C2orf76: variants seen among roughly 807,000 people sequenced by gnomAD.
C2orf76 encodes the protein UPF0538 protein C2orf76.
A neutral mutation model predicts 16.9 loss-of-function variants in C2orf76; 23 were observed. The ratio of observed to expected loss-of-function variants is 1.36; its 90% CI spans 0.98 to 1.93. The LOEUF (loss-of-function observed/expected upper bound fraction) is 1.93, where lower values mean the gene tolerates loss of function less well. Ranked by LOEUF, C2orf76 falls within the 30% of genes most tolerant of loss-of-function variation. C2orf76 has a pLI of 0.00. For synonymous variants in C2orf76, 48 were observed against 52.3 expected, an observed-to-expected ratio of 0.92 and a Z score of 0.35; for missense variants, 152 against 152.6, an observed-to-expected ratio of 1.00 and a Z score of 0.02.
At chr2:119,361,502 T>A (rs560479874) in intron 1 of C2orf76, among the ~76,000 whole-genome samples, 1 of 152,172 alleles carries the variant, frequency 6.6e-6, no homozygotes, top group East Asian at 1.9e-4. Context: ...CACAAAAAAA[T>A]TGTAAAATAC....
At chr2:119,316,483 C>T (rs550658624) in intron 4 of C2orf76, among the ~76,000 whole-genome samples, 4 of 152,164 alleles carry the variant, frequency 2.6e-5, no homozygotes, top group African/African-American at 9.7e-5. Flanking sequence ...TTTTAAGCCA[C>T]AAAAATATTT....
chr2:119,315,681 T>A (rs1352277227), intron 4 of C2orf76, among the ~76,000 whole-genome samples: 2 of 152,216 alleles, frequency 1.3e-5, no homozygotes, highest in African/African-American at 4.8e-5. Context: ...AGCATTGTTA[T>A]GATTTGGATC....
the C2orf76 span, among the ~76,000 whole-genome samples, chr2:119,287,836 C>A: frequency 6.6e-6 from 1 of 152,160 alleles, no homozygotes; most frequent in African/African-American, 2.4e-5. Context: ...ATTCCAATTT[C>A]TTATAATATT....
intron 2 of C2orf76, among the ~76,000 whole-genome samples, chr2:119,335,191 A>T (rs1041254806): frequency 6.6e-6 from 1 of 152,214 alleles, no homozygotes; most frequent in African/African-American, 2.4e-5. Context: ...ATACAGACAC[A>T]TATATTTCTT....
chr2:119,318,229 T>A (rs1158636013), intron 3 of C2orf76, among the ~76,000 whole-genome samples: 1 of 152,228 alleles, frequency 6.6e-6, no homozygotes, highest in Admixed American at 6.5e-5. Context: ...ACACAGCCAT[T>A]CAACAGGTTG....
intron 1 of C2orf76, 188 bp downstream of exon 1, chr2:119,366,602 A>G (rs140555495): frequency 0.015 from 6,526 of 447,530 alleles, 96 homozygotes; most frequent in Middle Eastern, 0.039. Context: ...TTGTCCAGAG[A>G]TGCAACTTCC....
At chr2:119,293,327 C>CA in the C2orf76 span, among the ~76,000 whole-genome samples, 2 of 152,250 alleles carry the variant, frequency 1.3e-5, no homozygotes, top group African/African-American at 2.4e-5. Flanking sequence ...GAAAACCATG[C>CA]AAAAAATGTA....
At chr2:119,306,084 T>G (rs1333647205) in intron 5 of C2orf76, among the ~76,000 whole-genome samples, 7 of 152,220 alleles carry the variant, frequency 4.6e-5, no homozygotes, top group Non-Finnish European at 1.0e-4. Context: ...TCCCCCAGTT[T>G]CCTGGGTCCG....
At chr2:119,301,996 T>C (rs1365319366), downstream of C2orf76, among the ~76,000 whole-genome samples, 2 of 150,894 alleles carry the variant, frequency 1.3e-5, no homozygotes, top group African/African-American at 4.9e-5. Flanking sequence ...CATATGGTGG[T>C]ATGTATCACA....
chr2:119,321,808 G>A (rs1337951540), intron 2 of C2orf76, among the ~76,000 whole-genome samples: 1 of 151,748 alleles, frequency 6.6e-6, no homozygotes, highest in African/African-American at 2.4e-5. Flanking sequence ...TTAGACAACA[G>A]TATCTATGTA....
chr2:119,326,590 T>A (rs1679516246), intron 2 of C2orf76, among the ~76,000 whole-genome samples: 1 of 105,894 alleles, frequency 9.4e-6, no homozygotes, highest in Non-Finnish European at 2.1e-5. Flanking sequence ...TTTGGTATTA[T>A]CTGAAAGGAA....
intron 4 of C2orf76, among the ~76,000 whole-genome samples, chr2:119,314,268 C>A (rs1167784217): frequency 6.6e-6 from 1 of 151,978 alleles, no homozygotes; most frequent in Non-Finnish European, 1.5e-5. Flanking sequence ...GTGTAATAAA[C>A]CCCCTGCCCT....
At chr2:119,351,807 G>A (rs1323730470) in intron 1 of C2orf76, among the ~76,000 whole-genome samples, 1 of 152,078 alleles carries the variant, frequency 6.6e-6, no homozygotes, top group Non-Finnish European at 1.5e-5. Flanking sequence ...AGCTGGGAAT[G>A]TATTGAGTGA....
chr2:119,365,011 G>C (rs916135389), intron 1 of C2orf76, among the ~76,000 whole-genome samples: 5 of 152,174 alleles, frequency 3.3e-5, no homozygotes, highest in African/African-American at 1.2e-4. Flanking sequence ...TTGAGGCCTG[G>C]AGTTCAAGGC....
chr2:119,323,973 C>T (rs535880285), intron 2 of C2orf76, among the ~76,000 whole-genome samples: 3 of 152,328 alleles, frequency 2.0e-5, no homozygotes, highest in African/African-American at 4.8e-5. Context: ...AAACCTCTGG[C>T]TTAGGCTTAC....
chr2:119,322,742 C>T (rs1679384920), intron 2 of C2orf76, among the ~76,000 whole-genome samples: 1 of 151,714 alleles, frequency 6.6e-6, no homozygotes, highest in African/African-American at 2.4e-5. Flanking sequence ...CTTCAAGTTA[C>T]ATCAAGGCTA....
chr2:119,286,328 C>T, the C2orf76 span, among the ~76,000 whole-genome samples: 7 of 151,806 alleles, frequency 4.6e-5, no homozygotes, highest in African/African-American at 1.2e-4. Context: ...GGACCAGTCT[C>T]CTGGCTGTGA....
intron 1 of C2orf76, among the ~76,000 whole-genome samples, chr2:119,348,346 G>C (rs1401912427): frequency 6.6e-6 from 1 of 152,202 alleles, no homozygotes; most frequent in African/African-American, 2.4e-5. Context: ...TGATATGGAT[G>C]TATGGATACC....
At chr2:119,292,191 T>C in the C2orf76 span, among the ~76,000 whole-genome samples, 1 of 152,146 alleles carries the variant, frequency 6.6e-6, no homozygotes, top group African/African-American at 2.4e-5. Context: ...CAAGCAACTT[T>C]GCTTTAAGGC....
Sources: allele counts gnomAD v4.1 joint callset (sites outside exome capture counted in the v4.1 genomes callset), GRCh38; gene constraint gnomAD v4.1.1; transcripts MANE v1.5; gene names NCBI Gene and HGNC (gene_info 2026-07-23, HGNC 2026-07-21).